The following EXOC4 variants were observed in gnomAD, a reference collection of about 807,000 sequenced individuals.
EXOC4 encodes SEC8-like 1.
In EXOC4, 71 loss-of-function variants were observed where a neutral mutation model predicts 107.2. That is an observed-to-expected ratio of 0.66 (90% CI 0.55 to 0.81). The LOEUF (loss-of-function observed/expected upper bound fraction) is 0.81, where lower values mean the gene tolerates loss of function less well. Among genes scored for constraint, EXOC4 ranks in the 30% least tolerant of loss-of-function variants. The probability of loss-of-function intolerance (pLI) is 0.00; values close to 1 mark genes in which losing one functional copy is unlikely to be tolerated. For synonymous variants in EXOC4, 456 were observed against 441.2 expected, an observed-to-expected ratio of 1.03 and a Z score of -0.42; for missense variants, 1,108 against 1,189.6, an observed-to-expected ratio of 0.93 and a Z score of 1.01.
intron 10 of EXOC4, among the ~76,000 whole-genome samples, chr7:133,741,197 A>C (rs1318864448): frequency 6.6e-6 from 1 of 152,100 alleles, no homozygotes; most frequent in Non-Finnish European, 1.5e-5. Flanking sequence ...CTCCTAAAGT[A>C]GCTCCCCAGC....
chr7:133,341,558 A>G (rs1795661211), intron 5 of EXOC4, among the ~76,000 whole-genome samples: 1 of 152,154 alleles, frequency 6.6e-6, no homozygotes. Flanking sequence ...CATTTGTTCT[A>G]TGGTATGGTT....
chr7:133,947,244 T>C (rs1800575540), intron 14 of EXOC4, among the ~76,000 whole-genome samples: 1 of 152,226 alleles, frequency 6.6e-6, no homozygotes, highest in African/African-American at 2.4e-5. Context: ...CTTCCTACCA[T>C]GAATCTTATC....
At chr7:133,710,625 A>G (rs1004125478) in intron 10 of EXOC4, among the ~76,000 whole-genome samples, 3 of 144,242 alleles carry the variant, frequency 2.1e-5, no homozygotes, top group Admixed American at 7.1e-5. Context: ...CCGCCACTGC[A>G]CTCCAGCCTG....
At chr7:133,613,055 C>CA (rs1802107789) in intron 9 of EXOC4, among the ~76,000 whole-genome samples, 1 of 151,500 alleles carries the variant, frequency 6.6e-6, no homozygotes, top group African/African-American at 2.4e-5. Flanking sequence ...TGAAAAAACT[C>CA]AAGAGACAAA....
At chr7:133,967,941 C>T (rs1400093320) in intron 14 of EXOC4, among the ~76,000 whole-genome samples, 1 of 152,012 alleles carries the variant, frequency 6.6e-6, no homozygotes, top group Non-Finnish European at 1.5e-5. Context: ...TTAAAGTCTC[C>T]CACTATTATT....
intron 11 of EXOC4, among the ~76,000 whole-genome samples, chr7:133,828,161 G>A (rs1189114514): frequency 6.6e-6 from 1 of 152,176 alleles, no homozygotes; most frequent in African/African-American, 2.4e-5. Flanking sequence ...GACAGGAACT[G>A]AAATACATTA....
At chr7:133,376,274 ATGC>A (rs1796488670) in intron 7 of EXOC4, among the ~76,000 whole-genome samples, 1 of 152,160 alleles carries the variant, frequency 6.6e-6, no homozygotes, top group Admixed American at 6.5e-5. Context: ...CCTGTAGTAC[ATGC>A]TTGGTGAATA....
At chr7:133,354,886 A>T (rs1045404425) in intron 5 of EXOC4, among the ~76,000 whole-genome samples, 1 of 152,208 alleles carries the variant, frequency 6.6e-6, no homozygotes, top group Non-Finnish European at 1.5e-5. Context: ...CTCCAGAGTT[A>T]CAAAATAGTT....
At chr7:133,808,504 A>C (rs1797134135) in intron 10 of EXOC4, among the ~76,000 whole-genome samples, 1 of 152,112 alleles carries the variant, frequency 6.6e-6, no homozygotes, top group Non-Finnish European at 1.5e-5. Flanking sequence ...TCTTTGCCTA[A>C]GTTGTTTTCC....
chr7:133,823,939 A>T (rs1458352000), intron 11 of EXOC4, among the ~76,000 whole-genome samples: 11 of 103,470 alleles, frequency 1.1e-4, no homozygotes, highest in Non-Finnish European at 1.7e-4. Context: ...TATATATATT[A>T]TATATATAGT....
intron 3 of EXOC4, among the ~76,000 whole-genome samples, chr7:133,301,040 T>C (rs1261482354): frequency 1.3e-5 from 2 of 152,364 alleles, no homozygotes; most frequent in Middle Eastern, 3.4e-3. Flanking sequence ...ATATCTTCGC[T>C]GCTTGCTTAG....
intron 3 of EXOC4, among the ~76,000 whole-genome samples, chr7:133,300,881 T>C (rs924591693): frequency 1.5e-5 from 2 of 136,304 alleles, no homozygotes; most frequent in Non-Finnish European, 3.1e-5. Flanking sequence ...ATATGATAGA[T>C]ACCATTTTTT....
At chr7:133,382,073 A>G (rs2150702484) in intron 7 of EXOC4, among the ~76,000 whole-genome samples, 1 of 152,212 alleles carries the variant, frequency 6.6e-6, no homozygotes, top group South Asian at 2.1e-4. Flanking sequence ...GATGAGATGA[A>G]GGAAGATTAA....
chr7:133,530,398 A>G (rs1217093324), intron 9 of EXOC4, among the ~76,000 whole-genome samples: 2 of 152,094 alleles, frequency 1.3e-5, no homozygotes, highest in Non-Finnish European at 2.9e-5. Flanking sequence ...CCTACTACAC[A>G]CCTAGGCTAC....
At chr7:133,314,771 CTGAT>C (rs1445920679) in intron 4 of EXOC4, among the ~76,000 whole-genome samples, 1 of 152,120 alleles carries the variant, frequency 6.6e-6, no homozygotes. Flanking sequence ...AATTTTCCTG[CTGAT>C]TGATACCTTA....
chr7:133,705,022 T>A (rs967855701), intron 10 of EXOC4, among the ~76,000 whole-genome samples: 25 of 152,194 alleles, frequency 1.6e-4, no homozygotes, highest in African/African-American at 5.8e-4. Flanking sequence ...TTAAGAACTT[T>A]TACCTTTTCA....
chr7:133,766,217 C>T (rs895335906), intron 10 of EXOC4, among the ~76,000 whole-genome samples: 2 of 151,908 alleles, frequency 1.3e-5, no homozygotes, highest in African/African-American at 4.8e-5. Flanking sequence ...TATGTAAGAA[C>T]TATGAAGTGG....
intron 15 of EXOC4, among the ~76,000 whole-genome samples, chr7:133,998,875 G>A (rs770229221): frequency 1.3e-5 from 2 of 152,142 alleles, no homozygotes; most frequent in Admixed American, 6.5e-5. Context: ...GAGAAGCATA[G>A]GATTTGGGAC....
intron 14 of EXOC4, among the ~76,000 whole-genome samples, chr7:133,975,864 A>G (rs890910135): frequency 6.6e-6 from 1 of 152,172 alleles, no homozygotes; most frequent in Admixed American, 6.5e-5. Flanking sequence ...AAAATAACTC[A>G]AACAAGGACA....
Sources: gnomAD v4.1 joint callset for allele counts (sites outside exome capture counted in the v4.1 genomes callset) on GRCh38, gnomAD v4.1.1 for gene constraint, MANE v1.5 for transcripts, NCBI Gene and HGNC (gene_info 2026-07-23, HGNC 2026-07-21) for gene names.